The following CPLANE1 variants were observed in gnomAD, a reference collection of about 807,000 sequenced individuals.
CPLANE1 encodes ciliogenesis and planar polarity effector 1.
In CPLANE1, 263 loss-of-function variants were observed where a neutral mutation model predicts 362.5. That is an observed-to-expected ratio of 0.73 (90% CI 0.66 to 0.80). The LOEUF (loss-of-function observed/expected upper bound fraction) is 0.80, where lower values mean the gene tolerates loss of function less well. Among genes scored for constraint, CPLANE1 ranks in the 30% least tolerant of loss-of-function variants. CPLANE1 has a pLI of 0.00. For missense variants in CPLANE1, 3,461 were observed against 3,793.4 expected, an observed-to-expected ratio of 0.91 and a Z score of 2.30; for synonymous variants, 1,212 against 1,302.6, an observed-to-expected ratio of 0.93 and a Z score of 1.50.
At position 37,192,733 on chromosome 5, in the gene CPLANE1, A is replaced by G. The variant is rs1349883884; in HGVS notation, c.3811+3125T>C. 1.1e-4 allele frequency among the ~76,000 whole-genome samples: 16 copies of G among 146,150 alleles called. No homozygotes were observed. The South Asian group carries it at 1.1e-3, about 10-fold the overall frequency. On this transcript the variant is annotated intron_variant, in intron 21 of 52. Transcript: ENST00000651892. ...CAAAAAATTAGCTGGGTGTGGTGGC[A>G]GGCGCCTGTAGTCCCAGCTACTCGG... is the stretch of plus-strand genomic sequence containing the variant.
chr5:37,224,314 T>C lies in CPLANE1; in HGVS notation c.2520A>G (p.Leu840=). The change falls in exon 14 of 53, where the codon TTA becomes TTG. Residue 840 remains leucine, a synonymous_variant. Transcript: ENST00000651892. ...GCTGAACAGACTTTTCATATGATCC[T>C]AATAAAAAACATTCTTCCCCTAGAA... ...KSINGEECFL[L]GSYEKSVQLW... The C allele has an allele frequency of 6.5e-7, 1 of 1,547,526 alleles. No homozygotes were observed. The highest frequency in any genetic ancestry group is 8.7e-7 in the Non-Finnish European group (1 of 1,145,302).
chr5:37,161,938 T>C (rs1776949897), intron 38 of CPLANE1, among the ~76,000 whole-genome samples: 1 of 152,168 alleles, frequency 6.6e-6, no homozygotes, highest in Non-Finnish European at 1.5e-5. Context: ...CTAAAAATCA[T>C]AAAAAAGAAT....
At chr5:37,233,078 C>G (rs564561772) in intron 8 of CPLANE1, among the ~76,000 whole-genome samples, 18 of 152,294 alleles carry the variant, frequency 1.2e-4, no homozygotes, top group Non-Finnish European at 2.6e-4. Flanking sequence ...AACCCTCAAC[C>G]CACTAGGGCT....
intron 46 of CPLANE1, among the ~76,000 whole-genome samples, chr5:37,127,382 A>ATCTCTTGC (rs1008668564): frequency 6.6e-6 from 1 of 152,142 alleles, no homozygotes; most frequent in Non-Finnish European, 1.5e-5. Flanking sequence ...CTCCAAATAA[A>ATCTCTTGC]TCTCTTGCTC....
chr5:37,121,650 G>C lies in CPLANE1; in HGVS notation c.9152C>G (p.Ser3051Cys). 6.2e-7 allele frequency: 1 copy of C among 1,614,194 alleles called. No homozygotes were observed. Among genetic ancestry groups the C allele is most frequent in the Non-Finnish European group, 8.5e-7 (1 of 1,180,020 alleles). ...AGAAGGGCAGTGTTGACAACTGGAA[G>C]ACTGAGTAGGGCTGGGTTTGTTAGG... ...PLPNKPSPTQ[S>C]SSCQHCPSPR... Residue 3051 changes from serine (S) to cysteine (C), a missense_variant, in exon 49 of 53, where the codon TCT becomes TGT. Ser to Cys is a moderately radical substitution (Grantham distance 112, BLOSUM62 -1). This residue lies in a region of CPLANE1 where 3,380 missense variants were observed against 3,666.1 expected (regional missense o/e 0.92). Coordinates refer to ENST00000651892, the MANE Select transcript of CPLANE1 (RefSeq NM_001384732.1).
Position 37,183,531 on chromosome 5 carries a change from A to G in CPLANE1, c.4650T>C (p.Tyr1550=), listed in dbSNP as rs1401557322. ...VWEFERDDDE[Y]IKFLDLFLSY... ...TCAAAAACAGATCAAGGAATTTAAT[A>G]TATTCATCATCATCACGTTCAAATT... The change falls in exon 26 of 53, where the codon TAT becomes TAC. Residue 1550 remains tyrosine, a synonymous_variant. Transcript: ENST00000651892. 7 of 1,613,668 alleles carry G rather than the reference A, an allele frequency of 4.3e-6. No homozygotes were observed. The highest frequency in any genetic ancestry group is 5.9e-6 in the Non-Finnish European group (7 of 1,179,692).
intron 51 of CPLANE1, among the ~76,000 whole-genome samples, chr5:37,108,776 T>C (rs983573738): frequency 1.3e-5 from 2 of 152,162 alleles, no homozygotes; most frequent in African/African-American, 4.8e-5. Flanking sequence ...GACACCAAAG[T>C]TGGGTGAACT....
the CPLANE1 span, among the ~76,000 whole-genome samples, chr5:37,077,131 G>C: frequency 1.7e-4 from 26 of 152,178 alleles, no homozygotes; most frequent in Non-Finnish European, 3.1e-4. Context: ...AGGCGAATCA[G>C]ATGAGAAGTT....
rs1455795556 is a variant in CPLANE1, at chr5:37,148,242, G to A, written c.8400C>T (p.Phe2800=). ...DKIGPVDHIE[F]SSGPEFKKTL... is the part of the protein sequence containing the mutation. ...TTTTTTTGAATTCAGGGCCAGAAGA[G>A]AATTCAATGTGATCCACTGGTCCAA... The change falls in exon 43 of 53, where the codon TTC becomes TTT. Residue 2800 remains phenylalanine (F), a synonymous_variant. Transcript: ENST00000651892. 6.2e-7 allele frequency: 1 copy of A among 1,611,642 alleles called. No individual in the cohort carries two copies. The highest frequency in any genetic ancestry group is 1.7e-5 in the Admixed American group (1 of 59,860).
At chr5:37,206,140 A>G in intron 17 of CPLANE1, 57 bp downstream of exon 17, 2 of 1,119,668 alleles carry the variant, frequency 1.8e-6, no homozygotes, top group East Asian at 5.1e-5. Flanking sequence ...CAATAAGAGA[A>G]ATATAAAATA....
intron 15 of CPLANE1, among the ~76,000 whole-genome samples, chr5:37,219,268 G>C (rs533284885): frequency 2.0e-5 from 3 of 152,022 alleles, no homozygotes; most frequent in African/African-American, 7.3e-5. Context: ...AGTGGCTCAC[G>C]CCTGTAATCC....
intron 15 of CPLANE1, among the ~76,000 whole-genome samples, chr5:37,216,228 G>T (rs1259556976): frequency 6.6e-6 from 1 of 152,046 alleles, no homozygotes; most frequent in Non-Finnish European, 1.5e-5. Flanking sequence ...AAGATTTTGG[G>T]GGGCAGGCAG....
intron 46 of CPLANE1, among the ~76,000 whole-genome samples, chr5:37,127,791 T>C (rs1368437890): frequency 5.3e-5 from 8 of 152,016 alleles, no homozygotes; most frequent in African/African-American, 9.7e-5. Context: ...GCTGGGATTA[T>C]AGGCATGAGC....
intron 26 of CPLANE1, among the ~76,000 whole-genome samples, chr5:37,181,306 C>A (rs892403578): frequency 4.6e-5 from 7 of 152,110 alleles, no homozygotes; most frequent in African/African-American, 1.7e-4. Context: ...TTATAATATC[C>A]TCATTTCATT....
the CPLANE1 span, among the ~76,000 whole-genome samples, chr5:37,081,726 C>T: frequency 6.6e-6 from 1 of 152,080 alleles, no homozygotes; most frequent in Admixed American, 6.6e-5. Context: ...AAAACATCAA[C>T]CTACAAATCC....
chr5:37,174,355 A>G (rs1780589440), intron 31 of CPLANE1, among the ~76,000 whole-genome samples: 1 of 152,248 alleles, frequency 6.6e-6, no homozygotes, highest in African/African-American at 2.4e-5. Context: ...GATCCAGCAT[A>G]GAGTTAAGAA....
intron 38 of CPLANE1, among the ~76,000 whole-genome samples, chr5:37,159,107 T>C (rs1219834404): frequency 1.6e-5 from 2 of 128,140 alleles, no homozygotes; most frequent in South Asian, 2.8e-4. Flanking sequence ...TTTTTTTTTT[T>C]TTTTTTTTTT....
intron 41 of CPLANE1, among the ~76,000 whole-genome samples, chr5:37,154,378 A>G (rs1487581355): frequency 6.6e-6 from 1 of 151,042 alleles, no homozygotes; most frequent in African/African-American, 2.4e-5. Flanking sequence ...CAAACATTAA[A>G]CCTCCTAAAA....
At chr5:37,166,644 A>G (rs1393999754) in intron 35 of CPLANE1, among the ~76,000 whole-genome samples, 2 of 152,188 alleles carry the variant, frequency 1.3e-5, no homozygotes, top group Non-Finnish European at 2.9e-5. Flanking sequence ...AAAAAACAAA[A>G]TATATAATAG....
Sources: gnomAD v4.1 joint callset for allele counts (sites outside exome capture counted in the v4.1 genomes callset) on GRCh38, gnomAD v4.1.1 for gene constraint, gnomAD v4.1.1 regional missense constraint, MANE v1.5 for transcripts, NCBI Gene and HGNC (gene_info 2026-07-23, HGNC 2026-07-21) for gene names.